Variants in FBXL20 observed in about 807,000 individuals in gnomAD.
FBXL20 encodes F-box and leucine rich repeat protein 20.
In FBXL20, 11 loss-of-function variants were observed where a neutral mutation model predicts 64.0. The ratio of observed to expected loss-of-function variants is 0.17; its 90% CI spans 0.11 to 0.28. The LOEUF is 0.28. FBXL20 is among the 10% of genes least tolerant of loss of function. The probability of loss-of-function intolerance (pLI) is 1.00; values close to 1 mark genes in which losing one functional copy is unlikely to be tolerated. For synonymous variants in FBXL20, 184 were observed against 189.0 expected (o/e 0.97, Z 0.22); for missense variants, 303 against 526.2 (o/e 0.58, Z 4.15).
intron 1 of FBXL20, among the ~76,000 whole-genome samples, chr17:39,401,023 C>T (rs1468106870): frequency 6.6e-6 from 1 of 152,172 alleles, no homozygotes; most frequent in Non-Finnish European, 1.5e-5. Context: ...TCTGGTGGAC[C>T]GGAGCCGTGA....
At chr17:39,321,796 A>C (rs2144514672) in intron 2 of FBXL20, among the ~76,000 whole-genome samples, 1 of 146,186 alleles carries the variant, frequency 6.8e-6, no homozygotes, top group Non-Finnish European at 1.5e-5. Context: ...AAAAAAAAAA[A>C]ACAAAAATAA....
intron 12 of FBXL20, among the ~76,000 whole-genome samples, chr17:39,266,729 C>A (rs2046795435): frequency 1.3e-5 from 2 of 152,240 alleles, no homozygotes; most frequent in South Asian, 4.1e-4. Context: ...CGGTTTAAAT[C>A]CCATTGGCTA....
chr17:39,370,158 T>C (rs1227415145), intron 1 of FBXL20, among the ~76,000 whole-genome samples: 1 of 150,598 alleles, frequency 6.6e-6, no homozygotes, highest in Non-Finnish European at 1.5e-5. Flanking sequence ...TTAAAAATAA[T>C]GTTTGCATGT....
At chr17:39,349,238 C>T (rs370750708) in intron 1 of FBXL20, among the ~76,000 whole-genome samples, 16 of 143,376 alleles carry the variant, frequency 1.1e-4, no homozygotes, top group African/African-American at 2.3e-4. Context: ...GGGAACAGAG[C>T]GGGACTCCGT....
chr17:39,277,203 G>A (rs2046905504), intron 9 of FBXL20, among the ~76,000 whole-genome samples: 1 of 152,206 alleles, frequency 6.6e-6, no homozygotes, highest in Non-Finnish European at 1.5e-5. Context: ...AGATACTAAT[G>A]AGGATCAAGT....
chr17:39,385,691 G>A (rs1019408258), intron 1 of FBXL20, among the ~76,000 whole-genome samples: 27 of 152,172 alleles, frequency 1.8e-4, no homozygotes, highest in Admixed American at 7.2e-4. Context: ...CTCAGCTGGA[G>A]TGAATGAAAA....
At chr17:39,366,416 TA>T (rs1480933930) in intron 1 of FBXL20, among the ~76,000 whole-genome samples, 1 of 152,206 alleles carries the variant, frequency 6.6e-6, no homozygotes, top group Non-Finnish European at 1.5e-5. Flanking sequence ...TTTCTTTTCC[TA>T]CACTCTAAGA....
chr17:39,338,514 A>G (rs1342197832), intron 2 of FBXL20, among the ~76,000 whole-genome samples: 1 of 148,312 alleles, frequency 6.7e-6, no homozygotes, highest in Non-Finnish European at 1.5e-5. Flanking sequence ...CTCTGCGAGA[A>G]ACACCAGAAT....
intron 2 of FBXL20, among the ~76,000 whole-genome samples, chr17:39,314,873 C>T (rs1265518616): frequency 6.7e-6 from 1 of 148,674 alleles, no homozygotes; most frequent in Non-Finnish European, 1.5e-5. Context: ...TCTCAGCTCA[C>T]TGCAACCTCT....
upstream of FBXL20, chr17:39,402,543 C>G: frequency 6.2e-5 from 9 of 146,272 alleles, no homozygotes; most frequent in Non-Finnish European, 1.0e-4. Flanking sequence ...GGCGCGCGTC[C>G]GTGGGGGTGG....
chr17:39,387,152 A>G (rs906649656), intron 1 of FBXL20, among the ~76,000 whole-genome samples: 1 of 152,118 alleles, frequency 6.6e-6, no homozygotes, highest in African/African-American at 2.4e-5. Context: ...GATATTTAAC[A>G]TTTTTATTAT....
At chr17:39,396,928 GC>G (rs1567910425) in intron 1 of FBXL20, among the ~76,000 whole-genome samples, 2 of 148,368 alleles carry the variant, frequency 1.3e-5, no homozygotes, top group African/African-American at 5.0e-5. Flanking sequence ...CTGCACTCCA[GC>G]CTGGGCGACA....
intron 6 of FBXL20, among the ~76,000 whole-genome samples, chr17:39,288,131 T>A (rs971474830): frequency 6.6e-6 from 1 of 151,690 alleles, no homozygotes; most frequent in Non-Finnish European, 1.5e-5. Flanking sequence ...ACCCAGCTAA[T>A]TTTTTTTGTA....
intron 2 of FBXL20, among the ~76,000 whole-genome samples, chr17:39,339,747 G>A (rs1021900719): frequency 1.1e-4 from 17 of 151,758 alleles, no homozygotes; most frequent in South Asian, 8.3e-4. Context: ...TGCAGGGTTC[G>A]ATTCCCCTGT....
chr17:39,396,782 C>T (rs961697115), intron 1 of FBXL20, among the ~76,000 whole-genome samples: 6 of 151,300 alleles, frequency 4.0e-5, no homozygotes, highest in African/African-American at 1.2e-4. Flanking sequence ...GGTGAAACCC[C>T]GTCTCTACTA....
intron 5 of FBXL20, 71 bp downstream of exon 5, chr17:39,298,919 A>G: frequency 8.2e-7 from 1 of 1,215,266 alleles, no homozygotes. Flanking sequence ...TAACGATTTT[A>G]GCCTTTTCTG....
At position 39,255,217 on chromosome 17, in the gene FBXL20, C is replaced by T. The variant is rs1256034068; in HGVS notation, c.*6243G>A. On this transcript the variant is annotated 3_prime_UTR_variant, in exon 15 of 15. Coordinates refer to ENST00000264658, the MANE Select transcript of FBXL20 (RefSeq NM_032875.3). ...CTTTGGGAGGCCGAGGCGGGTGGATCATGAGGTCAGGAGATCGAGACCATC... is the reference window on the plus strand; with the variant it reads ...CTTTGGGAGGCCGAGGCGGGTGGATTATGAGGTCAGGAGATCGAGACCATC... 1 of 151,924 alleles carries T rather than the reference C, an allele frequency of 6.6e-6. No individual in the cohort carries two copies. The highest frequency in any genetic ancestry group is 1.5e-5 in the Non-Finnish European group (1 of 67,990). 9.4% of individuals were successfully genotyped at this position (151,924 alleles called of 1,614,324 possible).
upstream of FBXL20, chr17:39,401,649 A>C: frequency 1.6e-6 from 2 of 1,287,396 alleles, no homozygotes; most frequent in East Asian, 3.9e-5. Flanking sequence ...TCAACCCAAA[A>C]CAAAAACACT....
chr17:39,289,936 T>C (rs947578013), intron 6 of FBXL20, among the ~76,000 whole-genome samples: 3 of 140,428 alleles, frequency 2.1e-5, no homozygotes, highest in Non-Finnish European at 4.5e-5. Flanking sequence ...GAGGCAGAGG[T>C]TGCAGTTAGC....
Sources: gnomAD v4.1 joint callset for allele counts (sites outside exome capture counted in the v4.1 genomes callset) on GRCh38, gnomAD v4.1.1 for gene constraint, MANE v1.5 for transcripts, NCBI Gene and HGNC (gene_info 2026-07-23, HGNC 2026-07-21) for gene names.